The following RARS1 variants were observed in gnomAD, a reference collection of about 807,000 sequenced individuals.
RARS1 encodes the protein arginine--tRNA ligase, cytoplasmic.
In RARS1, 75 loss-of-function variants were observed where a neutral mutation model predicts 78.7. The ratio of observed to expected loss-of-function variants is 0.95; its 90% confidence interval spans 0.79 to 1.15. The LOEUF (loss-of-function observed/expected upper bound fraction) is 1.15, where lower values mean the gene tolerates loss of function less well. Among genes scored for constraint, RARS1 ranks in the 50% most tolerant of loss-of-function variants. The pLI, the probability that RARS1 is intolerant of heterozygous loss-of-function variation, is 0.00. For missense variants in RARS1, 787 were observed against 787.5 expected, an observed-to-expected ratio of 1.00 and a Z score of 0.01; for synonymous variants, 273 against 268.2, an observed-to-expected ratio of 1.02 and a Z score of -0.18.
chr5:168,490,494 T>C (rs919720513), intron 2 of RARS1, among the ~76,000 whole-genome samples: 2 of 152,180 alleles, frequency 1.3e-5, no homozygotes, highest in Non-Finnish European at 2.9e-5. Flanking sequence ...TTAGCTCTTA[T>C]ATAGCTAGGA....
intron 14 of RARS1, among the ~76,000 whole-genome samples, 180 bp downstream of exon 14, chr5:168,518,242 C>T (rs941166488): frequency 3.3e-5 from 5 of 151,676 alleles, no homozygotes; most frequent in South Asian, 2.1e-4. Flanking sequence ...TGAGCCACTG[C>T]ACCCAGCTCC....
intron 6 of RARS1, 142 bp from the exon 7 acceptor site, chr5:168,497,086 C>T (rs1275108566): frequency 6.3e-6 from 4 of 638,726 alleles, no homozygotes; most frequent in African/African-American, 1.9e-5. Context: ...GTTGAAGAAA[C>T]AACCAAGTAA....
chr5:168,517,183 C>T (rs1042758489), intron 13 of RARS1, among the ~76,000 whole-genome samples: 3 of 152,016 alleles, frequency 2.0e-5, no homozygotes, highest in Non-Finnish European at 4.4e-5. Context: ...CACTCTGTTG[C>T]CCACGCTGGA....
chr5:168,505,714 GAAAA>G (rs60743864), intron 9 of RARS1, among the ~76,000 whole-genome samples: 21 of 114,222 alleles, frequency 1.8e-4, no homozygotes, highest in African/African-American at 3.0e-4. Context: ...TATCAAAAAA[GAAAA>G]AAAAAAAAAA....
chr5:168,514,309 T>C (rs137885502), intron 12 of RARS1, among the ~76,000 whole-genome samples: 1 of 152,282 alleles, frequency 6.6e-6, no homozygotes, highest in African/African-American at 2.4e-5. Flanking sequence ...TGCTACTACT[T>C]TTCCGCATTC....
intron 9 of RARS1, among the ~76,000 whole-genome samples, chr5:168,502,379 TATA>T (rs1274706969): frequency 2.5e-4 from 23 of 90,898 alleles, no homozygotes; most frequent in African/African-American, 1.2e-3. Context: ...TATATATATA[TATA>T]TATTTTTTTT....
In RARS1 at chr5:168,517,888, G is replaced by A; in HGVS notation, c.1699G>A (p.Asp567Asn). The change falls in exon 14 of 15, where the codon GAT becomes AAT. Residue 567 changes from aspartate (D) to asparagine (N), a missense_variant. By Grantham distance (23) the Asp-to-Asn change is conservative (BLOSUM62 1). Transcript: ENST00000231572. ...TGCTCGAGAAACCAAGATTCTTTTGGATCATGAGAAGGAATGGAAACTAGG... is the reference window on the plus strand; with the variant it reads ...TGCTCGAGAAACCAAGATTCTTTTGAATCATGAGAAGGAATGGAAACTAGG... ...KAARETKILLDHEKEWKLGRC... is the reference protein window; with the variant it reads ...KAARETKILLNHEKEWKLGRC... 4 of 1,613,636 alleles carry A rather than the reference G, an allele frequency of 2.5e-6. No homozygotes were observed. Among genetic ancestry groups the A allele is most frequent in the Non-Finnish European group, 3.4e-6 (4 of 1,179,958 alleles).
chr5:168,486,489 T>C lies in RARS1; in HGVS notation c.-10T>C. 2 of 1,557,208 alleles carry C rather than the reference T, an allele frequency of 1.3e-6. No individual in the cohort carries two copies. Among genetic ancestry groups the C allele is most frequent in the Non-Finnish European group, 1.7e-6 (2 of 1,149,528 alleles). Reference sequence around the variant, plus strand: ...TCCGTCCACTTGGCGAGTGAGACGCTGATGGGAGGATGGACGTACTGGTGT... The same window carrying C: ...TCCGTCCACTTGGCGAGTGAGACGCCGATGGGAGGATGGACGTACTGGTGT... On this transcript the variant is annotated 5_prime_UTR_variant, in exon 1 of 15. Transcript: ENST00000231572.
chr5:168,514,911 T>A (rs75095020), intron 12 of RARS1, among the ~76,000 whole-genome samples: 1,947 of 152,282 alleles, frequency 0.013, 42 homozygotes, highest in East Asian at 0.095. Context: ...TATCACTTAG[T>A]TGGATTTGTC....
At position 168,502,382 on chromosome 5, in the gene RARS1, A is replaced by AT. The variant is rs376556548; in HGVS notation, c.1057+278dup. Among the ~76,000 whole-genome samples the AT allele has an allele frequency of 0.14, 16,403 of 118,898 alleles. 998 individuals are homozygous for AT. The highest frequency in any genetic ancestry group is 0.2 in the Middle Eastern group (46 of 232). 78.0% of individuals were successfully genotyped at this position (118,898 alleles called of 152,430 possible). A position where few individuals can be genotyped will look rare whatever the true frequency, so the allele number is the denominator to read the frequency against. ...AACAAATATATATATATATATATATATATTTTTTTTTTTTAAAACAATCTT... is the reference window on the plus strand; with the variant it reads ...AACAAATATATATATATATATATATATTATTTTTTTTTTTTAAAACAATCTT... On this transcript the variant is annotated intron_variant, in intron 9 of 14. Coordinates refer to ENST00000231572, the MANE Select transcript of RARS1 (RefSeq NM_002887.4).
At chr5:168,498,371 G>A (rs540172648) in intron 7 of RARS1, among the ~76,000 whole-genome samples, 1 of 152,102 alleles carries the variant, frequency 6.6e-6, no homozygotes, top group East Asian at 1.9e-4. Flanking sequence ...TTAAATGTAT[G>A]TAAAAACAAT....
At chr5:168,489,736 T>G (rs1338170617) in intron 2 of RARS1, among the ~76,000 whole-genome samples, 1 of 152,154 alleles carries the variant, frequency 6.6e-6, no homozygotes, top group Admixed American at 6.6e-5. Context: ...CATTACATCC[T>G]TTTCCCAAAG....
At chr5:168,504,601 C>T (rs1358813984) in intron 9 of RARS1, among the ~76,000 whole-genome samples, 2 of 151,438 alleles carry the variant, frequency 1.3e-5, no homozygotes, top group African/African-American at 2.4e-5. Context: ...CCGAGGCAGG[C>T]GGATCACGAG....
intron 12 of RARS1, among the ~76,000 whole-genome samples, chr5:168,512,795 C>T (rs1758592091): frequency 6.6e-6 from 1 of 152,166 alleles, no homozygotes; most frequent in Admixed American, 6.5e-5. Context: ...GGTGGGTCTG[C>T]CTTTCCCAGA....
chr5:168,498,433 C>T (rs1758245315), intron 7 of RARS1, among the ~76,000 whole-genome samples: 1 of 152,044 alleles, frequency 6.6e-6, no homozygotes, highest in Admixed American at 6.6e-5. Flanking sequence ...CTATTGTGAT[C>T]AACTTTCTTT....
intron 9 of RARS1, among the ~76,000 whole-genome samples, chr5:168,502,396 T>TTA (rs1758348883): frequency 2.1e-5 from 3 of 143,718 alleles, no homozygotes; most frequent in Admixed American, 6.9e-5. Context: ...TTTTTTTTTT[T>TTA]AAAACAATCT....
intron 7 of RARS1, among the ~76,000 whole-genome samples, chr5:168,499,210 C>T (rs902129643): frequency 3.3e-5 from 5 of 151,516 alleles, no homozygotes; most frequent in Admixed American, 6.6e-5. Context: ...ACTTGGGAGG[C>T]GGAGGTGGGA....
chr5:168,506,183 T>C lies in RARS1; in HGVS notation c.1220T>C (p.Val407Ala). 2 of 1,574,520 alleles carry C rather than the reference T, an allele frequency of 1.3e-6. No homozygotes were observed. Among genetic ancestry groups the C allele is most frequent in the Non-Finnish European group, 8.6e-7 (1 of 1,159,606 alleles). The change falls in exon 10 of 15, where the codon GTT becomes GCT. Residue 407 changes from valine to alanine, a missense_variant. Val to Ala is a moderately conservative substitution (Grantham distance 64, BLOSUM62 0). Coordinates refer to ENST00000231572, the MANE Select transcript of RARS1 (RefSeq NM_002887.4). ...FEEKADMIIY[V>A]VDNGQSVHFQ... ...GAAAAAGCAGATATGATTATCTATGTTGTGGACAATGGACAAGTGAGTTTG... is the reference window on the plus strand; with the variant it reads ...GAAAAAGCAGATATGATTATCTATGCTGTGGACAATGGACAAGTGAGTTTG...
At chr5:168,510,549 C>G (rs1041161533) in intron 11 of RARS1, 32 bp from the exon 12 acceptor site, 2 of 1,518,946 alleles carry the variant, frequency 1.3e-6, no homozygotes, top group Non-Finnish European at 1.8e-6. Flanking sequence ...AAGTCTGTTT[C>G]AAAATCTGAT....
Sources: allele counts gnomAD v4.1 joint callset (sites outside exome capture counted in the v4.1 genomes callset), GRCh38; gene constraint gnomAD v4.1.1; transcripts MANE v1.5; gene names NCBI Gene and HGNC (gene_info 2026-07-23, HGNC 2026-07-21).